The following PHF20 variants were observed in gnomAD, a reference collection of about 807,000 sequenced individuals.
PHF20 encodes the protein PHD finger protein 20, also known as glioma-expressed antigen 2.
A neutral mutation model predicts 113.5 loss-of-function variants in PHF20; 23 were observed. The observed-to-expected ratio is 0.20, with a 90% CI of 0.15 to 0.29. The LOEUF (loss-of-function observed/expected upper bound fraction) is 0.29. Ranked by LOEUF, PHF20 falls within the 10% of genes least tolerant of loss-of-function variation. The pLI is 1.00. For synonymous variants in PHF20, 434 were observed against 457.3 expected (o/e 0.95, Z 0.65); for missense variants, 943 against 1,219.6 (o/e 0.77, Z 3.38).
intron 6 of PHF20, among the ~76,000 whole-genome samples, chr20:35,864,492 T>A (rs924181842): frequency 6.6e-6 from 1 of 151,664 alleles, no homozygotes; most frequent in Non-Finnish European, 1.5e-5. Flanking sequence ...GAGCAAACCT[T>A]TTCATTATTC....
intron 1 of PHF20, among the ~76,000 whole-genome samples, chr20:35,775,868 A>G (rs1003978282): frequency 1.1e-4 from 16 of 151,618 alleles, no homozygotes; most frequent in African/African-American, 3.4e-4. Flanking sequence ...GCTGGAGTGC[A>G]GTGGTGTGAT....
chr20:35,829,679 A>G (rs1224923156), intron 2 of PHF20, among the ~76,000 whole-genome samples: 1 of 147,502 alleles, frequency 6.8e-6, no homozygotes, highest in African/African-American at 2.5e-5. Flanking sequence ...AAATCTCACT[A>G]TGTTGTTTAT....
intron 1 of PHF20, among the ~76,000 whole-genome samples, chr20:35,788,495 C>G (rs2041471326): frequency 1.3e-5 from 2 of 152,074 alleles, no homozygotes; most frequent in Non-Finnish European, 2.9e-5. Flanking sequence ...CTTGGCCTTC[C>G]AAAGTACTGG....
intron 2 of PHF20, among the ~76,000 whole-genome samples, chr20:35,824,532 G>A (rs1022862692): frequency 6.6e-6 from 1 of 151,842 alleles, no homozygotes; most frequent in Non-Finnish European, 1.5e-5. Context: ...GCTTGAACCC[G>A]GGAGGCAGAG....
At chr20:35,851,939 A>G (rs868610732) in intron 4 of PHF20, among the ~76,000 whole-genome samples, 2 of 151,858 alleles carry the variant, frequency 1.3e-5, no homozygotes, top group Admixed American at 1.3e-4. Context: ...AAAGATGTCA[A>G]TGTGCTGTGC....
At chr20:35,907,624 T>C (rs908696824) in intron 10 of PHF20, among the ~76,000 whole-genome samples, 1 of 152,252 alleles carries the variant, frequency 6.6e-6, no homozygotes, top group Non-Finnish European at 1.5e-5. Context: ...TATTGTCTTA[T>C]TTAGTTATCA....
At position 35,817,393 on chromosome 20, in the gene PHF20, G is replaced by C. The variant is rs77864692; in HGVS notation, c.83+15788G>C. Among the ~76,000 whole-genome samples the C allele has an allele frequency of 9.6e-3, 1,460 of 151,472 alleles. 16 individuals are homozygous for C. Among genetic ancestry groups the C allele is most frequent in the East Asian group, 0.04 (201 of 5,012 alleles). The stretch of plus-strand genomic sequence containing the variant: ...GTAAAGATGGGGTTTCACTAGGTTG[G>C]CCAGGCTAGTCTTGATCTCCCGACC... On this transcript the variant is annotated intron_variant, in intron 2 of 17. Coordinates refer to ENST00000374012, the MANE Select transcript of PHF20 (RefSeq NM_016436.5).
chr20:35,877,057 A>G (rs1437815394), intron 9 of PHF20, among the ~76,000 whole-genome samples: 2 of 146,162 alleles, frequency 1.4e-5, no homozygotes, highest in Non-Finnish European at 3.0e-5. Flanking sequence ...CAGTGAGCCT[A>G]GATCATGCCA....
intron 4 of PHF20, among the ~76,000 whole-genome samples, chr20:35,857,805 C>T (rs1440709611): frequency 1.3e-5 from 2 of 151,912 alleles, no homozygotes; most frequent in Admixed American, 6.6e-5. Context: ...AGGCTGGTCT[C>T]GAACTCCTGA....
chr20:35,887,140 T>C (rs1209048477), intron 9 of PHF20, among the ~76,000 whole-genome samples: 1 of 152,176 alleles, frequency 6.6e-6, no homozygotes, highest in Non-Finnish European at 1.5e-5. Flanking sequence ...TTTACAAACT[T>C]TTTTTAAAGT....
chr20:35,817,184 C>CATTT (rs1183254461), intron 2 of PHF20, among the ~76,000 whole-genome samples: 2 of 150,912 alleles, frequency 1.3e-5, no homozygotes, highest in African/African-American at 4.9e-5. Flanking sequence ...TTTATTTCCG[C>CATTT]ATTTATTTAT....
intron 13 of PHF20, among the ~76,000 whole-genome samples, chr20:35,923,078 G>A (rs532204589): frequency 4.6e-5 from 7 of 152,014 alleles, no homozygotes; most frequent in Non-Finnish European, 7.3e-5. Flanking sequence ...TTGTACCACT[G>A]CACTACAACC....
At chr20:35,909,070 A>G (rs1211484703) in intron 10 of PHF20, among the ~76,000 whole-genome samples, 3 of 152,046 alleles carry the variant, frequency 2.0e-5, no homozygotes, top group Non-Finnish European at 4.4e-5. Context: ...AATGTTGAAT[A>G]GGAGTAGAGA....
intron 5 of PHF20, among the ~76,000 whole-genome samples, chr20:35,859,561 T>G (rs1331515637): frequency 6.6e-6 from 1 of 151,828 alleles, no homozygotes; most frequent in East Asian, 1.9e-4. Flanking sequence ...TTTTTTTTTT[T>G]GGAGACAGAG....
chr20:35,894,878 G>A (rs1326394628), intron 9 of PHF20, among the ~76,000 whole-genome samples: 2 of 152,070 alleles, frequency 1.3e-5, no homozygotes, highest in East Asian at 1.9e-4. Context: ...TTTTTGAGAC[G>A]GAGTCTCACT....
At chr20:35,786,579 G>C (rs1381267087) in intron 1 of PHF20, among the ~76,000 whole-genome samples, 1 of 152,036 alleles carries the variant, frequency 6.6e-6, no homozygotes, top group African/African-American at 2.4e-5. Context: ...GTGCACGCCT[G>C]TAGTTTCAAC....
At chr20:35,778,253 T>G (rs2041215064) in intron 1 of PHF20, among the ~76,000 whole-genome samples, 1 of 152,096 alleles carries the variant, frequency 6.6e-6, no homozygotes, top group Admixed American at 6.6e-5. Context: ...CCAACTAATT[T>G]TTTGTAGTTT....
At chr20:35,894,543 A>G (rs1036672627) in intron 9 of PHF20, among the ~76,000 whole-genome samples, 5 of 152,248 alleles carry the variant, frequency 3.3e-5, no homozygotes, top group African/African-American at 1.2e-4. Context: ...GGTGGTGGAC[A>G]CTTCCCCTCT....
intron 1 of PHF20, among the ~76,000 whole-genome samples, chr20:35,780,944 C>T (rs2041282692): frequency 6.7e-6 from 1 of 150,248 alleles, no homozygotes; most frequent in African/African-American, 2.5e-5. Context: ...ACCTCCGCCT[C>T]CCGAGTTCAA....
Sources: allele counts gnomAD v4.1 joint callset (sites outside exome capture counted in the v4.1 genomes callset), GRCh38; gene constraint gnomAD v4.1.1; transcripts MANE v1.5; gene names NCBI Gene and HGNC (gene_info 2026-07-23, HGNC 2026-07-21).